Variants in PICALM observed in about 807,000 individuals in gnomAD.
PICALM encodes the protein phosphatidylinositol-binding clathrin assembly protein.
In PICALM, 40 loss-of-function variants were observed where a neutral mutation model predicts 80.5. The ratio of observed to expected loss-of-function variants is 0.50; its 90% CI spans 0.39 to 0.65. The LOEUF is 0.65. Ranked by LOEUF, PICALM falls within the 30% of genes least tolerant of loss-of-function variation. The pLI, the probability that PICALM is intolerant of heterozygous loss-of-function variation, is 0.00. For missense variants in PICALM, 676 were observed against 778.9 expected (o/e 0.87, Z 1.57); for synonymous variants, 288 against 260.3 (o/e 1.11, Z -1.02).
intron 14 of PICALM, 32 bp from the exon 15 acceptor site, chr11:85,982,035 G>T (rs964480894): frequency 6.2e-7 from 1 of 1,605,078 alleles, no homozygotes. Flanking sequence ...AATAGAATTT[G>T]TAAGGAACTT....
At position 86,033,055 on chromosome 11, in the gene PICALM, C is replaced by T. The variant is rs1021213745; in HGVS notation, c.131-1444G>A. 5.9e-5 allele frequency among the ~76,000 whole-genome samples: 9 copies of T among 152,232 alleles called. No individual in the cohort carries two copies. The South Asian group carries it at 8.3e-4, about 14-fold the overall frequency. On this transcript the variant is annotated intron_variant, in intron 1 of 19. Coordinates refer to ENST00000393346, the MANE Select transcript of PICALM (RefSeq NM_007166.4). ...AAGCTTTCACAATTCAGACTATTTG[C>T]AACAAAAATGAAACAGTAAATCCAA... is the stretch of plus-strand genomic sequence containing the variant.
Position 86,026,281 on chromosome 11 carries a change from G to A in PICALM, c.349+11C>T. 2 of 1,471,002 alleles carry A rather than the reference G, an allele frequency of 1.4e-6. No homozygotes were observed. The highest frequency in any genetic ancestry group is 9.5e-7 in the Non-Finnish European group (1 of 1,053,956). 91.1% of individuals were successfully genotyped at this position (1,471,002 alleles called of 1,614,324 possible). ...TCTTTTGATTTTCTATAATGTAAAA[G>A]TTATCTTTACCTTGCAATCCACTTT... On this transcript the variant is annotated intron_variant, in intron 3 of 19. Coordinates refer to ENST00000393346, the MANE Select transcript of PICALM (RefSeq NM_007166.4).
At chr11:86,035,986 G>C (rs543693921) in intron 1 of PICALM, among the ~76,000 whole-genome samples, 2 of 149,854 alleles carry the variant, frequency 1.3e-5, no homozygotes, top group Admixed American at 6.7e-5. Flanking sequence ...GAAAATTGGA[G>C]ATAAAATTAA....
At chr11:85,973,166 T>C (rs1333698445) in intron 19 of PICALM, among the ~76,000 whole-genome samples, 2 of 152,210 alleles carry the variant, frequency 1.3e-5, no homozygotes, top group African/African-American at 4.8e-5. Context: ...GGCATGTTGG[T>C]AAATGTATTA....
chr11:85,978,048 A>G (rs2094334154), intron 17 of PICALM: 4 of 1,605,422 alleles, frequency 2.5e-6, no homozygotes, highest in African/African-American at 1.3e-5. Flanking sequence ...TATTGCAAAA[A>G]GGCTCGTTTT....
intron 1 of PICALM, among the ~76,000 whole-genome samples, chr11:86,057,930 G>A (rs1475351676): frequency 1.3e-5 from 2 of 152,098 alleles, no homozygotes; most frequent in South Asian, 2.1e-4. Flanking sequence ...AGATACTGAA[G>A]GACAACCGCA....
intron 2 of PICALM, 102 bp downstream of exon 2, chr11:86,031,367 T>G: frequency 1.2e-6 from 1 of 842,856 alleles, no homozygotes; most frequent in Non-Finnish European, 1.8e-6. Flanking sequence ...CTAGGCACCT[T>G]GACCTTTGTA....
At chr11:85,964,192 T>C (rs551208688) in intron 19 of PICALM, among the ~76,000 whole-genome samples, 2 of 152,240 alleles carry the variant, frequency 1.3e-5, no homozygotes, top group Admixed American at 1.3e-4. Flanking sequence ...ACTAAATGGT[T>C]GGATATTTAG....
chr11:86,048,439 A>C (rs2096115481), intron 1 of PICALM, among the ~76,000 whole-genome samples: 1 of 152,234 alleles, frequency 6.6e-6, no homozygotes, highest in African/African-American at 2.4e-5. Context: ...ATAAAGTCTA[A>C]GACTTTATAT....
intron 12 of PICALM, among the ~76,000 whole-genome samples, chr11:85,991,997 A>T (rs1214270048): frequency 1.3e-5 from 2 of 152,144 alleles, no homozygotes; most frequent in Admixed American, 6.5e-5. Context: ...CTGAGACTAC[A>T]GGCATGTGCC....
intron 7 of PICALM, among the ~76,000 whole-genome samples, chr11:86,009,120 C>A (rs1423348475): frequency 6.6e-6 from 1 of 150,746 alleles, no homozygotes; most frequent in Non-Finnish European, 1.5e-5. Context: ...GCCCGGCCAA[C>A]ATGGTGAAAC....
At chr11:86,025,032 C>T (rs1211711514) in intron 3 of PICALM, among the ~76,000 whole-genome samples, 1 of 152,176 alleles carries the variant, frequency 6.6e-6, no homozygotes, top group African/African-American at 2.4e-5. Flanking sequence ...AGTTACAGAA[C>T]TAAGTAAAAC....
Position 85,983,808 on chromosome 11 carries a change from T to G in PICALM, c.1516+58A>C. ...ATTTTAAAAGCAGCATTATTTTTCC[T>G]TACACAGAATCTAAATTAGGACATT... is the stretch of plus-strand genomic sequence containing the variant. On this transcript the variant is annotated intron_variant, in intron 14 of 19. Coordinates refer to ENST00000393346, the MANE Select transcript of PICALM (RefSeq NM_007166.4). 4.2e-6 allele frequency: 3 copies of G among 720,382 alleles called. No individual in the cohort carries two copies. In the South Asian group the frequency reaches 5.6e-5, roughly 14 times the overall value. The allele number at this position is 720,382 out of a possible 1,614,324, so 44.6% of individuals were successfully genotyped here.
At chr11:85,960,765 A>G (rs894943219) in intron 19 of PICALM, 5 of 1,298,372 alleles carry the variant, frequency 3.9e-6, no homozygotes, top group African/African-American at 1.5e-5. Flanking sequence ...GAGGGGCTGG[A>G]TGCTGCCGAC....
intron 1 of PICALM, among the ~76,000 whole-genome samples, chr11:86,055,579 C>G (rs557138974): frequency 6.6e-6 from 1 of 152,316 alleles, no homozygotes; most frequent in East Asian, 1.9e-4. Flanking sequence ...TAACATTTTT[C>G]TCCTGCACAA....
chr11:86,063,434 G>A (rs116595858), intron 1 of PICALM, among the ~76,000 whole-genome samples: 242 of 152,076 alleles, frequency 1.6e-3, no homozygotes, highest in African/African-American at 5.5e-3. Flanking sequence ...AATCCATCAG[G>A]GAACAATAAT....
At chr11:86,004,643 A>G (rs559121277) in intron 8 of PICALM, among the ~76,000 whole-genome samples, 1 of 152,290 alleles carries the variant, frequency 6.6e-6, no homozygotes, top group African/African-American at 2.4e-5. Flanking sequence ...TAAGTGAAGC[A>G]AATGCACCAG....
intron 14 of PICALM, among the ~76,000 whole-genome samples, chr11:85,983,563 A>AAAAAGGCACAACATCTAC (rs1271581815): frequency 6.6e-6 from 1 of 151,874 alleles, no homozygotes; most frequent in African/African-American, 2.4e-5. Context: ...TTGTATGCCT[A>AAAAAGGCACAACATCTAC]AAAAGGCACA....
chr11:85,996,806 T>G lies in PICALM; in HGVS notation c.1258+20A>C. On this transcript the variant is annotated intron_variant, in intron 12 of 19. Coordinates refer to ENST00000393346, the MANE Select transcript of PICALM (RefSeq NM_007166.4). ...GGAGAGATGCATGTAACATCTAAAA[T>G]AGAATTCATCAATGCTTACCTCCCC... The G allele has an allele frequency of 7.3e-7, 1 of 1,369,624 alleles. No individual in the cohort carries two copies. The highest frequency in any genetic ancestry group is 1.0e-6 in the Non-Finnish European group (1 of 958,378). The allele number at this position is 1,369,624 out of a possible 1,614,324, so 84.8% of individuals were successfully genotyped here.
Sources: gnomAD v4.1 joint callset for allele counts (sites outside exome capture counted in the v4.1 genomes callset) on GRCh38, gnomAD v4.1.1 for gene constraint, MANE v1.5 for transcripts, NCBI Gene and HGNC (gene_info 2026-07-23, HGNC 2026-07-21) for gene names.